HNRNPA1L2: variants seen among roughly 807,000 people sequenced by gnomAD.
The protein encoded by HNRNPA1L2 is heterogeneous nuclear ribonucleoprotein A1-like 2.
In HNRNPA1L2, 10 loss-of-function variants were observed where a neutral mutation model predicts 18.2. The observed-to-expected ratio is 0.55, with a 90% CI of 0.34 to 0.93. The LOEUF (loss-of-function observed/expected upper bound fraction) is 0.93. Among genes scored for constraint, HNRNPA1L2 ranks in the 40% least tolerant of loss-of-function variants. The pLI is 0.02. For missense variants in HNRNPA1L2, 308 were observed against 394.4 expected, an observed-to-expected ratio of 0.78 and a Z score of 1.85; for synonymous variants, 124 against 138.6, an observed-to-expected ratio of 0.89 and a Z score of 0.74.
rs775759189 is a variant in HNRNPA1L2 at position 52,643,223 on chromosome 13, A to C, written c.731A>C (p.Tyr244Ser). 1.9e-6 allele frequency: 3 copies of C among 1,597,362 alleles called. No homozygotes were observed. The Admixed American group carries it at 5.0e-5, about 27-fold the overall frequency. Residue 244 changes from tyrosine to serine, a missense_variant, in exon 1 of 1, where the codon TAT becomes TCT. By Grantham distance (144) the Tyr-to-Ser change is moderately radical. Transcript: ENST00000357495. ...GGGYGGSGDG[Y>S]NGFGNDGSNF... ...GGATATGGTGGCAGTGGGGATGGCTATAATGGATTTGGTAATGATGGAAGC... is the reference window on the plus strand; with the variant it reads ...GGATATGGTGGCAGTGGGGATGGCTCTAATGGATTTGGTAATGATGGAAGC...
rs771408636 is a variant in HNRNPA1L2, at chr13:52,643,136, A to G, written c.644A>G (p.Asn215Ser). Residue 215 changes from asparagine (N) to serine (S), a missense_variant, in exon 1 of 1, where the codon AAC (asparagine) becomes AGC (serine). By Grantham distance (46) the Asn-to-Ser change is conservative (BLOSUM62 1). Transcript: ENST00000357495. The part of the protein sequence containing the change: ...GRGDGFGGND[N>S]FGRGGNFSGR... Reference sequence around the variant, plus strand: ...GGAGATGGTTTCGGTGGGAATGACAACTTTGGTCGTGGAGGAAACTTCAGT... The same window carrying G: ...GGAGATGGTTTCGGTGGGAATGACAGCTTTGGTCGTGGAGGAAACTTCAGT... The G allele has an allele frequency of 2.5e-6, 4 of 1,598,026 alleles. No homozygotes were observed. Among genetic ancestry groups the G allele is most frequent in the Non-Finnish European group, 3.4e-6 (4 of 1,179,788 alleles).
chr13:52,643,419 C>T lies in HNRNPA1L2; in HGVS notation c.927C>T (p.Ser309=). Residue 309 remains serine, a synonymous_variant, in exon 1 of 1, where the codon AGC becomes AGT. Transcript: ENST00000357495. ...PQNQGGYGVS[S]SSSSYGSGRR... ...ACCAAGGTGGCTATGGCGTTTCCAG[C>T]AGCAGCAGTAGCTATGGCAGTGGCA... The T allele has an allele frequency of 2.5e-6, 4 of 1,598,536 alleles. No homozygotes were observed. Among genetic ancestry groups the T allele is most frequent in the Non-Finnish European group, 3.4e-6 (4 of 1,179,766 alleles).
At chr13:52,642,338 C>T (rs1236769771), upstream of HNRNPA1L2, 37 of 980,934 alleles carry the variant, frequency 3.8e-5, no homozygotes, top group Non-Finnish European at 5.6e-5. Flanking sequence ...AATGTTCAGG[C>T]CCATATGAAA....
chr13:52,642,618 CTG>C lies in HNRNPA1L2; in HGVS notation c.131_132del (p.Val44GlyfsTer69), dbSNP rs1357153656. 18 of 1,611,768 alleles carry C rather than the reference CTG, an allele frequency of 1.1e-5. No individual in the cohort carries two copies. The highest frequency in any genetic ancestry group is 2.2e-5 in the East Asian group (1 of 44,882). On this transcript the variant is annotated frameshift_variant, in exon 1 of 1. Coordinates refer to ENST00000357495, the MANE Select transcript of HNRNPA1L2 (RefSeq NM_001389320.1). LOFTEE classifies it high-confidence loss of function. Reference sequence around the variant, plus strand: ...TTGAGCAATGGGGAACGCTCACAGACTGTGTGGTAATGAGAGATCCAAACACC... The same window carrying C: ...TTGAGCAATGGGGAACGCTCACAGACTGTGGTAATGAGAGATCCAAACACC... Reference protein sequence around the residue: ...HFEQWGTLTDCVVMRDPNTKR... With the variant: ...HFEQWGTLTDXVVMRDPNTKR...
the HNRNPA1L2 span, chr13:52,617,672 G>A: frequency 2.2e-6 from 1 of 454,976 alleles, no homozygotes; most frequent in Non-Finnish European, 4.0e-6. Flanking sequence ...TGCTCGGCGT[G>A]GAACTGTCAG....
chr13:52,617,942 C>G, the HNRNPA1L2 span, among the ~76,000 whole-genome samples: 1 of 152,220 alleles, frequency 6.6e-6, no homozygotes, highest in Non-Finnish European at 1.5e-5. Flanking sequence ...CAACTCCTGT[C>G]AGTTTATCCA....
the HNRNPA1L2 span, among the ~76,000 whole-genome samples, chr13:52,634,408 G>A: frequency 1.5e-3 from 234 of 152,284 alleles, 1 homozygote; most frequent in Non-Finnish European, 2.7e-3. Context: ...TTATAAAACA[G>A]TATCAAATGA....
chr13:52,619,657 C>T, the HNRNPA1L2 span, among the ~76,000 whole-genome samples: 3 of 151,770 alleles, frequency 2.0e-5, no homozygotes, highest in Admixed American at 6.5e-5. Flanking sequence ...CGTGGTGGCT[C>T]ACGCCTGTAA....
At position 52,642,517 on chromosome 13, in the gene HNRNPA1L2, G is replaced by A. The variant is rs751198562; in HGVS notation, c.25G>A (p.Glu9Lys). 4 of 1,611,790 alleles carry A rather than the reference G, an allele frequency of 2.5e-6. No homozygotes were observed. Among genetic ancestry groups the A allele is most frequent in the South Asian group, 1.1e-5 (1 of 90,960 alleles). MSKSASPK[E>K]PEQLRKLFIG... ...CATGTCTAAGTCAGCGTCTCCAAAAGAGCCCGAACAGCTGAGGAAGCTCTT... is the reference window on the plus strand; with the variant it reads ...CATGTCTAAGTCAGCGTCTCCAAAAAAGCCCGAACAGCTGAGGAAGCTCTT... The change falls in exon 1 of 1, where the codon GAG becomes AAG. Residue 9 changes from glutamate (E) to lysine (K), a missense_variant. Glu to Lys is a moderately conservative substitution (Grantham distance 56, BLOSUM62 1). Transcript: ENST00000357495.
Position 52,643,102 on chromosome 13 carries a change from G to A in HNRNPA1L2, c.610G>A (p.Gly204Ser). 2.5e-6 allele frequency: 4 copies of A among 1,597,864 alleles called. No individual in the cohort carries two copies. The highest frequency in any genetic ancestry group is 3.4e-6 in the Non-Finnish European group (4 of 1,179,806). Residue 204 changes from glycine (G) to serine (S), a missense_variant, in exon 1 of 1, where the codon GGT (glycine) becomes AGT (serine). Physicochemically the swap from Gly to Ser is moderately conservative, Grantham distance 56. Coordinates refer to ENST00000357495, the MANE Select transcript of HNRNPA1L2 (RefSeq NM_001389320.1). The part of the protein sequence containing the change: ...RGRRGSGNFG[G>S]GRGDGFGGND... ...TCGAAGGGGTTCTGGAAACTTTGGT[G>A]GTGGTCGTGGAGATGGTTTCGGTGG...
the HNRNPA1L2 span, among the ~76,000 whole-genome samples, chr13:52,619,160 A>C: frequency 6.6e-6 from 1 of 151,704 alleles, no homozygotes; most frequent in Non-Finnish European, 1.5e-5. Context: ...GGCATGCCCC[A>C]GCTAATTTTG....
the HNRNPA1L2 span, among the ~76,000 whole-genome samples, chr13:52,623,956 A>G: frequency 6.6e-6 from 1 of 152,180 alleles, no homozygotes; most frequent in African/African-American, 2.4e-5. Context: ...TAGGTCTGGC[A>G]GTTGATGCCA....
At chr13:52,620,389 C>T in the HNRNPA1L2 span, among the ~76,000 whole-genome samples, 1 of 152,180 alleles carries the variant, frequency 6.6e-6, no homozygotes, top group Non-Finnish European at 1.5e-5. Context: ...CGTCTGTGGG[C>T]AGCAGTTTGT....
At chr13:52,639,882 T>TTTTTG (rs1961593485), upstream of HNRNPA1L2, among the ~76,000 whole-genome samples, 15 of 112,302 alleles carry the variant, frequency 1.3e-4, 1 homozygote, top group African/African-American at 4.6e-4. Flanking sequence ...TCTTGTTTTT[T>TTTTTG]TTTTTTTTTT....
chr13:52,632,037 T>C, the HNRNPA1L2 span, among the ~76,000 whole-genome samples: 1 of 152,318 alleles, frequency 6.6e-6, no homozygotes, highest in African/African-American at 2.4e-5. Flanking sequence ...AATTAAACAT[T>C]GCAGTGTTTC....
the HNRNPA1L2 span, among the ~76,000 whole-genome samples, chr13:52,620,506 C>T: frequency 6.6e-6 from 1 of 152,226 alleles, no homozygotes. Context: ...GAATTAGCAA[C>T]ACCTGGGAGC....
the HNRNPA1L2 span, among the ~76,000 whole-genome samples, chr13:52,622,446 A>G: frequency 6.6e-6 from 1 of 152,226 alleles, no homozygotes; most frequent in African/African-American, 2.4e-5. Context: ...CTGTAATTGT[A>G]TTATATTTAA....
chr13:52,642,155 A>G (rs988135260), upstream of HNRNPA1L2: 1 of 310,836 alleles, frequency 3.2e-6, no homozygotes, highest in Non-Finnish European at 5.9e-6. Flanking sequence ...GTTTGCCAAT[A>G]TGGCCAACAA....
chr13:52,635,834 T>G, the HNRNPA1L2 span, among the ~76,000 whole-genome samples: 8 of 150,280 alleles, frequency 5.3e-5, no homozygotes, highest in South Asian at 1.5e-3. Flanking sequence ...TATTACTGTT[T>G]TTTTTTTTTT....
Sources: gnomAD v4.1 joint callset for allele counts (sites outside exome capture counted in the v4.1 genomes callset) on GRCh38, gnomAD v4.1.1 for gene constraint, MANE v1.5 for transcripts, NCBI Gene and HGNC (gene_info 2026-07-23, HGNC 2026-07-21) for gene names.